The following HRH1 variants were observed in gnomAD, a reference collection of about 807,000 sequenced individuals.
HRH1 encodes the protein histamine H1 receptor.
HRH1 carries 6 observed loss-of-function variants against 10.3 expected under a neutral mutation model. The observed-to-expected ratio is 0.58, with a 90% CI of 0.32 to 1.15. The LOEUF is 1.15. HRH1 is among the 50% of genes most tolerant of loss of function. The pLI is 0.05. For missense variants in HRH1, 514 were observed against 615.3 expected, an observed-to-expected ratio of 0.84 and a Z score of 1.74; for synonymous variants, 242 against 236.7, an observed-to-expected ratio of 1.02 and a Z score of -0.21.
At chr3:11,222,867 C>A (rs1301096661) in intron 1 of HRH1, among the ~76,000 whole-genome samples, 1 of 152,142 alleles carries the variant, frequency 6.6e-6, no homozygotes, top group Non-Finnish European at 1.5e-5. Flanking sequence ...AAAGGATTTT[C>A]TCTTTTCAGA....
intron 1 of HRH1, among the ~76,000 whole-genome samples, chr3:11,190,561 C>A (rs1028128842): frequency 2.0e-5 from 3 of 151,662 alleles, no homozygotes; most frequent in Non-Finnish European, 2.9e-5. Flanking sequence ...CAGCTAATTT[C>A]TTTTGTATTT....
chr3:11,220,765 G>C lies in HRH1; in HGVS notation c.-35-38238G>C, dbSNP rs573484340. ...AGGGAAGGGTGGCCTACCTCTCAAA[G>C]ATTCACTTTTTCCCCCTGCATTTCT... On this transcript the variant is annotated intron_variant, in intron 1 of 1. Transcript: ENST00000431010. Among the ~76,000 whole-genome samples the C allele has an allele frequency of 3.3e-5, 5 of 152,236 alleles. No homozygotes were observed. The East Asian group carries it at 9.7e-4, about 29-fold the overall frequency.
chr3:11,190,956 T>C (rs1937521942), intron 1 of HRH1, among the ~76,000 whole-genome samples: 1 of 152,112 alleles, frequency 6.6e-6, no homozygotes, highest in African/African-American at 2.4e-5. Context: ...GAGCTTCTTG[T>C]TCAGGTCTCC....
intron 1 of HRH1, among the ~76,000 whole-genome samples, chr3:11,214,072 G>T (rs569271130): frequency 6.6e-6 from 1 of 152,058 alleles, no homozygotes; most frequent in Non-Finnish European, 1.5e-5. Context: ...GGAACAGCGC[G>T]AACAAAGAGG....
At chr3:11,169,326 G>A (rs1937109518) in intron 1 of HRH1, among the ~76,000 whole-genome samples, 1 of 152,134 alleles carries the variant, frequency 6.6e-6, no homozygotes. Flanking sequence ...CCTGTGTCTC[G>A]GGCTCCTGCA....
intron 1 of HRH1, among the ~76,000 whole-genome samples, chr3:11,198,737 A>G (rs1226957740): frequency 2.9e-5 from 2 of 69,132 alleles, no homozygotes; most frequent in African/African-American, 1.4e-4. Context: ...ACCCTATCTG[A>G]AAAAAAAAAA....
intron 1 of HRH1, among the ~76,000 whole-genome samples, chr3:11,244,323 C>T (rs1939425713): frequency 6.6e-6 from 1 of 152,238 alleles, no homozygotes; most frequent in Non-Finnish European, 1.5e-5. Context: ...CACATGGTCA[C>T]ACCCAGCTAC....
At chr3:11,217,716 A>T (rs1938560662) in intron 1 of HRH1, among the ~76,000 whole-genome samples, 1 of 152,352 alleles carries the variant, frequency 6.6e-6, no homozygotes, top group South Asian at 2.1e-4. Flanking sequence ...AAAATGGTAA[A>T]TTCTGTATTA....
upstream of HRH1, among the ~76,000 whole-genome samples, chr3:11,153,178 T>C (rs146420053): frequency 4.7e-3 from 710 of 152,260 alleles, 7 homozygotes; most frequent in African/African-American, 0.016. Context: ...CTTGTGCAAG[T>C]TACTCAATCT....
intron 1 of HRH1, among the ~76,000 whole-genome samples, chr3:11,162,774 T>A (rs1936951382): frequency 6.6e-6 from 1 of 152,180 alleles, no homozygotes; most frequent in Non-Finnish European, 1.5e-5. Flanking sequence ...GGTGGCTATG[T>A]GTGGTGAGGC....
At chr3:11,213,650 A>G (rs933162771) in intron 1 of HRH1, among the ~76,000 whole-genome samples, 16 of 152,338 alleles carry the variant, frequency 1.1e-4, no homozygotes, top group Admixed American at 8.5e-4. Flanking sequence ...CAGAAGAGCC[A>G]GGCAGCTCTC....
At chr3:11,219,536 A>G (rs867566090) in intron 1 of HRH1, among the ~76,000 whole-genome samples, 2 of 151,774 alleles carry the variant, frequency 1.3e-5, no homozygotes, top group Non-Finnish European at 1.5e-5. Flanking sequence ...ACATAGTGAA[A>G]CCCCCGTCTC....
intron 1 of HRH1, among the ~76,000 whole-genome samples, chr3:11,232,668 A>G (rs346087): frequency 0.67 from 101,969 of 152,104 alleles, 34,415 homozygotes; most frequent in Non-Finnish European, 0.7. Context: ...TATCCGTAAG[A>G]CATCTTGCTG....
chr3:11,258,569 A>G (rs1402415958), intron 1 of HRH1, among the ~76,000 whole-genome samples: 1 of 152,212 alleles, frequency 6.6e-6, no homozygotes, highest in Non-Finnish European at 1.5e-5. Flanking sequence ...TTCCTTGGCC[A>G]TGGTGGTATC....
At chr3:11,235,586 C>A (rs1385280008) in intron 1 of HRH1, among the ~76,000 whole-genome samples, 2 of 152,244 alleles carry the variant, frequency 1.3e-5, no homozygotes, top group Non-Finnish European at 2.9e-5. Context: ...CCATGCACCC[C>A]TACTGACACC....
At chr3:11,154,267 G>T (rs576702669), upstream of HRH1, among the ~76,000 whole-genome samples, 30 of 152,112 alleles carry the variant, frequency 2.0e-4, no homozygotes, top group African/African-American at 6.5e-4. This position sits in a 1 kb window ranked among gnomAD's most constrained non-coding sequence, Gnocchi z 4.4. Context: ...TCCAAACCTG[G>T]GGCGCGAGCT....
chr3:11,223,130 A>C (rs748032179), intron 1 of HRH1, among the ~76,000 whole-genome samples: 4 of 133,400 alleles, frequency 3.0e-5, no homozygotes, highest in Middle Eastern at 4.2e-3. Context: ...GGTTGCAGTG[A>C]GTCGAGATCG....
chr3:11,256,528 C>T (rs960291754), intron 1 of HRH1, among the ~76,000 whole-genome samples: 3 of 152,138 alleles, frequency 2.0e-5, no homozygotes, highest in Non-Finnish European at 4.4e-5. Context: ...AGGCCAGGCA[C>T]GGTGGCTCAC....
intron 1 of HRH1, among the ~76,000 whole-genome samples, chr3:11,200,509 G>C (rs1027179684): frequency 6.6e-6 from 1 of 152,124 alleles, no homozygotes; most frequent in African/African-American, 2.4e-5. Flanking sequence ...AAGCTTCCTA[G>C]AGGCCAGGCC....
Sources: gnomAD v4.1 joint callset for allele counts (sites outside exome capture counted in the v4.1 genomes callset) on GRCh38, gnomAD v4.1.1 for gene constraint, Gnocchi (gnomAD v3.1) non-coding constraint, MANE v1.5 for transcripts, NCBI Gene and HGNC (gene_info 2026-07-23, HGNC 2026-07-21) for gene names.